The following TMA16 variants were observed in gnomAD, a reference collection of about 807,000 sequenced individuals.
TMA16 encodes the protein translation machinery-associated protein 16.
Under a neutral mutation model 27.1 loss-of-function variants are expected in TMA16, and 26 were observed. The ratio of observed to expected loss-of-function variants is 0.96; its 90% CI spans 0.70 to 1.33. The LOEUF (loss-of-function observed/expected upper bound fraction) is 1.33. Ranked by LOEUF, TMA16 falls within the 40% of genes most tolerant of loss-of-function variation. The pLI, the probability that TMA16 is intolerant of heterozygous loss-of-function variation, is 0.00. For missense variants in TMA16, 233 were observed against 241.4 expected (o/e 0.97, Z 0.23); for synonymous variants, 71 against 81.9 (o/e 0.87, Z 0.72).
chr4:163,501,266 T>C (rs1737646503), intron 1 of TMA16, among the ~76,000 whole-genome samples: 1 of 152,214 alleles, frequency 6.6e-6, no homozygotes. Flanking sequence ...TGTGTTATTA[T>C]TCTGGGTAGA....
intron 2 of TMA16, among the ~76,000 whole-genome samples, chr4:163,511,282 TTC>T: frequency 6.6e-6 from 1 of 152,038 alleles, no homozygotes; most frequent in Non-Finnish European, 1.5e-5. Flanking sequence ...ATAGTGGTAT[TTC>T]AGTGTGGTTT....
At chr4:163,512,376 T>G (rs2110807293) in intron 2 of TMA16, 1 of 153,108 alleles carries the variant, frequency 6.5e-6, no homozygotes, top group East Asian at 1.9e-4. Flanking sequence ...TTGTTATAAT[T>G]CTTTTCAAAT....
intron 2 of TMA16, among the ~76,000 whole-genome samples, chr4:163,510,364 T>A (rs1384337699): frequency 6.6e-6 from 1 of 152,224 alleles, no homozygotes; most frequent in Non-Finnish European, 1.5e-5. Context: ...AAAATTCCCT[T>A]GTGTATCTTC....
Position 163,519,939 on chromosome 4 carries a change from T to G in TMA16, c.*425T>G. ...TTGTTTTTCGGTAATAATATCACAC[T>G]AATGCTTCTTTTAAACATTAAACCT... is the stretch of plus-strand genomic sequence containing the variant. On this transcript the variant is annotated 3_prime_UTR_variant, in exon 7 of 7. Coordinates refer to ENST00000358572, the MANE Select transcript of TMA16 (RefSeq NM_018352.3). 1 of 582,022 alleles carries G rather than the reference T, an allele frequency of 1.7e-6. No individual in the cohort carries two copies. Among genetic ancestry groups the G allele is most frequent in the Non-Finnish European group, 3.1e-6 (1 of 323,190 alleles). The allele number at this position is 582,022 out of a possible 1,614,324, so 36.1% of individuals were successfully genotyped here. A position where few individuals can be genotyped will look rare whatever the true frequency, so the allele number is the denominator to read the frequency against.
Position 163,520,490 on chromosome 4 carries a change from A to G in TMA16, c.*976A>G, listed in dbSNP as rs1041644038. 1.3e-5 allele frequency: 2 copies of G among 152,114 alleles called. No homozygotes were observed. Among genetic ancestry groups the G allele is most frequent in the African/African-American group, 4.8e-5 (2 of 41,426 alleles). The allele number at this position is 152,114 out of a possible 1,614,324, so 9.4% of individuals were successfully genotyped here. A position where few individuals can be genotyped will look rare whatever the true frequency, so the allele number is the denominator to read the frequency against. ...CCTTGTTAACAGTTAAAGTATTATA[A>G]CTTTTTTTACTTCTGAAAATTAAAA... On this transcript the variant is annotated 3_prime_UTR_variant, in exon 7 of 7. Coordinates refer to ENST00000358572, the MANE Select transcript of TMA16 (RefSeq NM_018352.3).
chr4:163,511,646 A>C (rs891744405), intron 2 of TMA16, among the ~76,000 whole-genome samples: 1 of 151,262 alleles, frequency 6.6e-6, no homozygotes, highest in African/African-American at 2.4e-5. Flanking sequence ...CTCTGTCTCT[A>C]CAAAAATAAA....
At chr4:163,506,649 T>C (rs1737721954) in intron 1 of TMA16, among the ~76,000 whole-genome samples, 1 of 152,186 alleles carries the variant, frequency 6.6e-6, no homozygotes, top group African/African-American at 2.4e-5. Context: ...AAGCCCCTAC[T>C]AATAATCCAA....
intron 2 of TMA16, among the ~76,000 whole-genome samples, chr4:163,508,911 A>G (rs1737753479): frequency 6.6e-6 from 1 of 152,216 alleles, no homozygotes; most frequent in East Asian, 1.9e-4. Context: ...TCTGATATGT[A>G]TATATTGTCC....
At chr4:163,511,493 A>T (rs12503667) in intron 2 of TMA16, among the ~76,000 whole-genome samples, 62,666 of 151,668 alleles carry the variant, frequency 0.41, 14,021 homozygotes, top group Admixed American at 0.55. Context: ...TTTTCTCCTA[A>T]TCTGTAACTT....
intron 4 of TMA16, among the ~76,000 whole-genome samples, 178 bp from the exon 5 acceptor site, chr4:163,515,135 T>TA (rs1417115823): frequency 6.6e-6 from 1 of 152,008 alleles, no homozygotes; most frequent in Non-Finnish European, 1.5e-5. Context: ...TCACTGAAGT[T>TA]AAAGAAATGG....
At chr4:163,508,710 C>T (rs1737750792) in intron 2 of TMA16, among the ~76,000 whole-genome samples, 1 of 152,048 alleles carries the variant, frequency 6.6e-6, no homozygotes, top group Non-Finnish European at 1.5e-5. Context: ...CATATAGTAC[C>T]AGTGGTATGA....
At chr4:163,506,773 G>A (rs1409811932) in intron 1 of TMA16, among the ~76,000 whole-genome samples, 2 of 152,118 alleles carry the variant, frequency 1.3e-5, no homozygotes, top group African/African-American at 2.4e-5. Flanking sequence ...TTGAAGAGCT[G>A]AGTTTATTGA....
In TMA16 at chr4:163,519,523, A is replaced by C; in HGVS notation, c.*9A>C. 1 of 1,548,738 alleles carries C rather than the reference A, an allele frequency of 6.5e-7. No individual in the cohort carries two copies. Among genetic ancestry groups the C allele is most frequent in the Non-Finnish European group, 8.6e-7 (1 of 1,156,654 alleles). ...TGACTGCAGTGGCCTAATTGTCTTCACTTGAATTGAAAATAAATAATTTGA... is the reference window on the plus strand; with the variant it reads ...TGACTGCAGTGGCCTAATTGTCTTCCCTTGAATTGAAAATAAATAATTTGA... On this transcript the variant is annotated 3_prime_UTR_variant, in exon 7 of 7. Transcript: ENST00000358572.
At chr4:163,510,818 A>G (rs921738935) in intron 2 of TMA16, among the ~76,000 whole-genome samples, 1 of 152,230 alleles carries the variant, frequency 6.6e-6, no homozygotes, top group Non-Finnish European at 1.5e-5. Context: ...GAGCTGAGTA[A>G]TTGTTACAGG....
chr4:163,506,391 G>A (rs1277494982), intron 1 of TMA16, among the ~76,000 whole-genome samples: 2 of 152,136 alleles, frequency 1.3e-5, no homozygotes, highest in African/African-American at 2.4e-5. Context: ...TTATAGGTGA[G>A]GTAAGATACA....
Position 163,519,330 on chromosome 4 carries a change from C to T in TMA16, c.432-4C>T, listed in dbSNP as rs183523982. 814 of 1,517,708 alleles carry T rather than the reference C, an allele frequency of 5.4e-4. 3 individuals are homozygous for T. In the African/African-American group the frequency reaches 8.4e-3, roughly 16 times the overall value. 94.0% of individuals were successfully genotyped at this position (1,517,708 alleles called of 1,614,324 possible). ...CACTCTTTTTTTTTTTTCCTTTTGT[C>T]TAGGGAATGGGACTTTGATCTGAAG... On this transcript the variant is annotated splice_polypyrimidine_tract_variant and splice_region_variant and intron_variant, in intron 6 of 6. Transcript: ENST00000358572.
chr4:163,510,515 G>A (rs765150343), intron 2 of TMA16, among the ~76,000 whole-genome samples: 3 of 152,112 alleles, frequency 2.0e-5, no homozygotes, highest in African/African-American at 7.2e-5. Context: ...CGTCTTTCAC[G>A]TAGCATAATG....
At chr4:163,509,096 T>G (rs776511105) in intron 2 of TMA16, among the ~76,000 whole-genome samples, 54 of 152,226 alleles carry the variant, frequency 3.5e-4, no homozygotes, top group Non-Finnish European at 7.2e-4. Context: ...ATATACAATT[T>G]TAATAGTACT....
chr4:163,517,375 A>G, intron 5 of TMA16, 59 bp from the exon 6 acceptor site: 2 of 1,460,714 alleles, frequency 1.4e-6, no homozygotes, highest in Non-Finnish European at 1.9e-6. Flanking sequence ...TTTGTTGTAC[A>G]TAAAATTATG....
Sources: gnomAD v4.1 joint callset for allele counts (sites outside exome capture counted in the v4.1 genomes callset) on GRCh38, gnomAD v4.1.1 for gene constraint, MANE v1.5 for transcripts, NCBI Gene and HGNC (gene_info 2026-07-23, HGNC 2026-07-21) for gene names.